The following MTUS2 variants were observed in gnomAD, a reference collection of about 807,000 sequenced individuals.
MTUS2 encodes microtubule associated scaffold protein 2, also known as microtubule-associated tumor suppressor candidate 2.
MTUS2 carries 40 observed loss-of-function variants against 114.1 expected under a neutral mutation model. The observed-to-expected ratio is 0.35, with a 90% CI of 0.27 to 0.46. The LOEUF is 0.46. Ranked by LOEUF, MTUS2 falls within the 20% of genes least tolerant of loss-of-function variation. MTUS2 has a pLI of 1.00. For synonymous variants in MTUS2, 688 were observed against 672.0 expected (o/e 1.02, Z -0.37); for missense variants, 1,679 against 1,705.4 (o/e 0.98, Z 0.27).
At chr13:29,069,678 A>G (rs929494086) in intron 4 of MTUS2, among the ~76,000 whole-genome samples, 2 of 152,258 alleles carry the variant, frequency 1.3e-5, no homozygotes, top group Non-Finnish European at 2.9e-5. Context: ...ATTAAGGAAG[A>G]AAAAGCAAGG....
chr13:29,317,679 C>T (rs1900060267), intron 6 of MTUS2, among the ~76,000 whole-genome samples: 1 of 11,186 alleles, frequency 8.9e-5, no homozygotes, highest in African/African-American at 1.7e-4. Flanking sequence ...ACCTCGTGAT[C>T]CACCCGCCTC....
chr13:28,961,268 A>C (rs756109339), intron 2 of MTUS2, among the ~76,000 whole-genome samples: 1 of 152,196 alleles, frequency 6.6e-6, no homozygotes, highest in Non-Finnish European at 1.5e-5. Flanking sequence ...CAAGAACTTT[A>C]AGATTCAAGA....
intron 4 of MTUS2, among the ~76,000 whole-genome samples, chr13:29,093,135 A>G (rs950689873): frequency 6.6e-6 from 1 of 152,176 alleles, no homozygotes; most frequent in Non-Finnish European, 1.5e-5. Flanking sequence ...GTGAAAACAA[A>G]CAAACAAACA....
intron 5 of MTUS2, among the ~76,000 whole-genome samples, chr13:29,159,964 C>G (rs779336036): frequency 1.3e-5 from 2 of 152,216 alleles, no homozygotes; most frequent in Non-Finnish European, 2.9e-5. Flanking sequence ...CATTCCATTA[C>G]CATGCAATCC....
At chr13:29,490,234 A>G (rs1881964496) in intron 11 of MTUS2, 2 of 152,226 alleles carry the variant, frequency 1.3e-5, no homozygotes, top group South Asian at 2.1e-4. Context: ...AACGTCAGCT[A>G]TAACAACTGG....
intron 5 of MTUS2, among the ~76,000 whole-genome samples, chr13:29,167,632 C>T (rs1251425869): frequency 2.0e-5 from 3 of 152,024 alleles, no homozygotes; most frequent in Non-Finnish European, 4.4e-5. Flanking sequence ...AAAAAGGTCA[C>T]AGCAAAGGAC....
intron 2 of MTUS2, among the ~76,000 whole-genome samples, chr13:28,987,120 G>A (rs1003019929): frequency 2.0e-5 from 3 of 152,242 alleles, no homozygotes; most frequent in Admixed American, 6.5e-5. Context: ...GGAACTCAAA[G>A]CTGGACCCCT....
intron 2 of MTUS2, among the ~76,000 whole-genome samples, chr13:28,902,159 G>A (rs896473697): frequency 2.0e-5 from 3 of 152,118 alleles, no homozygotes; most frequent in African/African-American, 7.2e-5. Flanking sequence ...AGACATGATT[G>A]ATATTTACAT....
chr13:29,233,591 C>A (rs1167471913), intron 5 of MTUS2, among the ~76,000 whole-genome samples: 1 of 152,214 alleles, frequency 6.6e-6, no homozygotes, highest in Non-Finnish European at 1.5e-5. Flanking sequence ...AAATTCAGAA[C>A]CTCGTGCTGG....
rs1446830609 is a variant in MTUS2 at position 29,504,006 on chromosome 13, T to TG, written c.*801dup. 8.6e-6 allele frequency: 2 copies of TG among 231,362 alleles called. No individual in the cohort carries two copies. Among genetic ancestry groups the TG allele is most frequent in the Non-Finnish European group, 1.7e-5 (2 of 117,220 alleles). The allele number at this position is 231,362 out of a possible 1,614,324, so 14.3% of individuals were successfully genotyped here. A position where few individuals can be genotyped will look rare whatever the true frequency, so the allele number is the denominator to read the frequency against. Reference sequence around the variant, plus strand: ...GTTACCCATGACAGTGACTCATCTCTGATAGTCTTGTAAACACAAGTTTTG... The same window carrying TG: ...GTTACCCATGACAGTGACTCATCTCTGGATAGTCTTGTAAACACAAGTTTTG... On this transcript the variant is annotated 3_prime_UTR_variant, in exon 16 of 16. Coordinates refer to ENST00000612955, the MANE Select transcript of MTUS2 (RefSeq NM_001033602.4).
intron 5 of MTUS2, among the ~76,000 whole-genome samples, chr13:29,195,557 A>T (rs1051067212): frequency 6.6e-6 from 1 of 150,392 alleles, no homozygotes; most frequent in African/African-American, 2.4e-5. Context: ...AAAAAAAAAA[A>T]AAAAGAGCTA....
At chr13:28,871,958 G>A (rs1165920497) in intron 2 of MTUS2, among the ~76,000 whole-genome samples, 1 of 152,180 alleles carries the variant, frequency 6.6e-6, no homozygotes, top group African/African-American at 2.4e-5. Context: ...GGAGGAGGCC[G>A]AGAGGGAGGC....
chr13:29,217,934 A>C (rs1266319123), intron 5 of MTUS2, among the ~76,000 whole-genome samples: 2 of 152,226 alleles, frequency 1.3e-5, no homozygotes, highest in African/African-American at 4.8e-5. Flanking sequence ...CCTGGGCAAC[A>C]TAATAAGACC....
chr13:29,238,686 C>T (rs1017796442), intron 5 of MTUS2, among the ~76,000 whole-genome samples: 22 of 152,298 alleles, frequency 1.4e-4, no homozygotes, highest in Middle Eastern at 3.4e-3. Flanking sequence ...GTGGATCTGC[C>T]TCTCCTAGTC....
chr13:29,065,547 T>G (rs545216659), intron 4 of MTUS2, among the ~76,000 whole-genome samples: 1 of 152,200 alleles, frequency 6.6e-6, no homozygotes, highest in South Asian at 2.1e-4. Context: ...GTCAGAGGCA[T>G]AGTTTTCAAA....
intron 9 of MTUS2, among the ~76,000 whole-genome samples, chr13:29,446,170 G>A (rs1029026647): frequency 2.0e-5 from 3 of 152,190 alleles, no homozygotes; most frequent in African/African-American, 7.2e-5. Context: ...TTAGAGACTT[G>A]TGCCAGAAAC....
At chr13:28,869,114 C>T (rs546787974) in intron 2 of MTUS2, among the ~76,000 whole-genome samples, 2 of 152,312 alleles carry the variant, frequency 1.3e-5, no homozygotes, top group South Asian at 4.1e-4. Flanking sequence ...ATCTGCACCC[C>T]ATTCACAAAG....
intron 9 of MTUS2, among the ~76,000 whole-genome samples, chr13:29,457,140 TC>T (rs772187416): frequency 4.3e-5 from 6 of 140,156 alleles, no homozygotes; most frequent in African/African-American, 8.4e-5. Context: ...GAGACTCCAT[TC>T]AAAAAAAAAA....
At chr13:29,106,066 C>G (rs1890654641) in intron 5 of MTUS2, among the ~76,000 whole-genome samples, 1 of 152,102 alleles carries the variant, frequency 6.6e-6, no homozygotes, top group Non-Finnish European at 1.5e-5. Flanking sequence ...TTCAGGTCTC[C>G]TAGTCTTCAC....
Sources: gnomAD v4.1 joint callset for allele counts (sites outside exome capture counted in the v4.1 genomes callset) on GRCh38, gnomAD v4.1.1 for gene constraint, MANE v1.5 for transcripts, NCBI Gene and HGNC (gene_info 2026-07-23, HGNC 2026-07-21) for gene names.